SYNPR: variants seen among roughly 807,000 people sequenced by gnomAD.
SYNPR encodes the protein synaptoporin.
In SYNPR, 23 loss-of-function variants were observed where a neutral mutation model predicts 32.9. That is an observed-to-expected ratio of 0.70 (90% CI 0.50 to 0.99). The LOEUF (loss-of-function observed/expected upper bound fraction) is 0.99, where lower values mean the gene tolerates loss of function less well. SYNPR is among the 50% of genes least tolerant of loss of function. The pLI, the probability that SYNPR is intolerant of heterozygous loss-of-function variation, is 0.00. For missense variants in SYNPR, 318 were observed against 349.3 expected (o/e 0.91, Z 0.71); for synonymous variants, 146 against 135.9 (o/e 1.07, Z -0.52).
chr3:63,425,232 T>C (rs1699871567), intron 2 of SYNPR, among the ~76,000 whole-genome samples: 1 of 152,170 alleles, frequency 6.6e-6, no homozygotes, highest in Non-Finnish European at 1.5e-5. Context: ...TGAGCAAATA[T>C]TCATGTGCAA....
At chr3:63,527,713 C>T (rs1287000449) in intron 3 of SYNPR, among the ~76,000 whole-genome samples, 1 of 152,164 alleles carries the variant, frequency 6.6e-6, no homozygotes, top group Non-Finnish European at 1.5e-5. Context: ...CCTTGTTTCC[C>T]CTTCCCCTGC....
intron 2 of SYNPR, among the ~76,000 whole-genome samples, chr3:63,412,220 T>C (rs2088475794): frequency 6.6e-6 from 1 of 152,166 alleles, no homozygotes; most frequent in Non-Finnish European, 1.5e-5. Context: ...TCTTCAGGTC[T>C]GGCACATGCT....
chr3:63,257,356 T>C (rs1381858962), intron 2 of SYNPR, among the ~76,000 whole-genome samples: 1 of 152,150 alleles, frequency 6.6e-6, no homozygotes, highest in East Asian at 1.9e-4. Context: ...CCTACCAGAC[T>C]AACAGCAGAT....
intron 3 of SYNPR, among the ~76,000 whole-genome samples, chr3:63,510,972 A>T (rs968817380): frequency 5.0e-5 from 6 of 120,760 alleles, no homozygotes; most frequent in Non-Finnish European, 1.2e-4. Flanking sequence ...TTTGTTCTGC[A>T]AATGTGGTCT....
At chr3:63,202,259 A>G in the SYNPR span, among the ~76,000 whole-genome samples, 1 of 152,180 alleles carries the variant, frequency 6.6e-6, no homozygotes, top group African/African-American at 2.4e-5. Context: ...ATTGGTGATA[A>G]TGACCAACAT....
At chr3:63,556,816 A>C (rs1353177648) in intron 4 of SYNPR, 75 bp downstream of exon 4, 2 of 1,388,190 alleles carry the variant, frequency 1.4e-6, no homozygotes, top group Non-Finnish European at 1.9e-6. Flanking sequence ...AGGACTTTGG[A>C]GTTACCTGAG....
At chr3:63,475,313 T>C (rs1034167973) in intron 2 of SYNPR, among the ~76,000 whole-genome samples, 32 of 152,178 alleles carry the variant, frequency 2.1e-4, no homozygotes, top group African/African-American at 7.7e-4. Flanking sequence ...TATTTTGGTC[T>C]CCTGAACTCA....
At chr3:63,571,079 TA>T (rs1702878006) in intron 4 of SYNPR, among the ~76,000 whole-genome samples, 1 of 152,138 alleles carries the variant, frequency 6.6e-6, no homozygotes, top group Admixed American at 6.6e-5. Context: ...AAAATCACAA[TA>T]AGCATCAATG....
chr3:63,407,874 C>A (rs916052341), intron 2 of SYNPR, among the ~76,000 whole-genome samples: 6 of 152,096 alleles, frequency 3.9e-5, no homozygotes, highest in Middle Eastern at 3.4e-3. Context: ...TGCCTGTCTT[C>A]TGAAGATTAC....
chr3:63,521,853 T>C (rs1648976807), intron 3 of SYNPR, among the ~76,000 whole-genome samples: 1 of 152,210 alleles, frequency 6.6e-6, no homozygotes, highest in South Asian at 2.1e-4. Flanking sequence ...TCAAGAGGCA[T>C]GCCTGAGGGC....
chr3:63,472,256 T>C (rs1575662127), intron 2 of SYNPR, among the ~76,000 whole-genome samples: 1 of 152,020 alleles, frequency 6.6e-6, no homozygotes, highest in African/African-American at 2.4e-5. Context: ...CCTGGGCGAG[T>C]TGGGAAGAAG....
At chr3:63,402,223 T>C (rs1023169315) in intron 2 of SYNPR, among the ~76,000 whole-genome samples, 2 of 152,126 alleles carry the variant, frequency 1.3e-5, no homozygotes, top group African/African-American at 4.8e-5. Context: ...CACTCTGGGA[T>C]GTTTAGCAGC....
chr3:63,210,557 C>T, the SYNPR span, among the ~76,000 whole-genome samples: 7 of 152,136 alleles, frequency 4.6e-5, no homozygotes, highest in South Asian at 6.2e-4. Flanking sequence ...ACTTGTTTTC[C>T]GTTTTCTTTC....
intron 2 of SYNPR, among the ~76,000 whole-genome samples, chr3:63,309,755 C>A (rs562520593): frequency 6.6e-6 from 1 of 152,032 alleles, no homozygotes; most frequent in African/African-American, 2.4e-5. Flanking sequence ...CTGACCACTC[C>A]TATGCTGAAT....
chr3:63,266,886 T>G (rs2086494787), intron 2 of SYNPR, among the ~76,000 whole-genome samples: 1 of 152,052 alleles, frequency 6.6e-6, no homozygotes, highest in South Asian at 2.1e-4. Context: ...TATTAAGATA[T>G]TTTCATTTTG....
intron 2 of SYNPR, among the ~76,000 whole-genome samples, chr3:63,367,409 G>C (rs550216274): frequency 1.3e-5 from 2 of 151,564 alleles, no homozygotes; most frequent in South Asian, 4.2e-4. Context: ...TCCCAGGCTG[G>C]AGTGCAGTCC....
intron 4 of SYNPR, among the ~76,000 whole-genome samples, chr3:63,571,045 T>C (rs1014646354): frequency 3.3e-5 from 5 of 152,166 alleles, no homozygotes; most frequent in African/African-American, 1.2e-4. Flanking sequence ...ATCATGACTG[T>C]TACAGTTTAA....
At position 63,261,865 on chromosome 3, in the gene SYNPR, C is replaced by G. The variant is rs79771678; in HGVS notation, n.155-5452C>G. ...ACATAGGAAGGGGAACATCACACAC[C>G]GGGGACTGTCGTGGGGTGGGGGGAG... On this transcript the variant is annotated intron_variant and non_coding_transcript_variant, in intron 2 of 4. Coordinates refer to the SYNPR transcript ENST00000478456. Among the ~76,000 whole-genome samples, 1,314 of 145,086 alleles carry G rather than the reference C, an allele frequency of 9.1e-3. 13 individuals carry two copies. The highest frequency in any genetic ancestry group is 0.055 in the East Asian group (262 of 4,800).
At chr3:63,379,103 G>A (rs2087932346) in intron 2 of SYNPR, among the ~76,000 whole-genome samples, 1 of 151,948 alleles carries the variant, frequency 6.6e-6, no homozygotes, top group Non-Finnish European at 1.5e-5. Flanking sequence ...CAAGTGTTTG[G>A]GGGAAGTTTT....
Sources: allele counts gnomAD v4.1 joint callset (sites outside exome capture counted in the v4.1 genomes callset), GRCh38; gene constraint gnomAD v4.1.1; transcripts MANE v1.5; gene names NCBI Gene and HGNC (gene_info 2026-07-23, HGNC 2026-07-21).